Variants in ERBB4 observed in about 807,000 individuals in gnomAD.
The protein encoded by ERBB4 is erb-b2 receptor tyrosine kinase 4.
In ERBB4, 42 loss-of-function variants were observed where a neutral mutation model predicts 158.0. The observed-to-expected ratio is 0.27, with a 90% CI of 0.21 to 0.34. ERBB4 has a LOEUF of 0.34. Ranked by LOEUF, ERBB4 falls within the 10% of genes least tolerant of loss-of-function variation. ERBB4 has a pLI of 1.00. For synonymous variants in ERBB4, 583 were observed against 558.7 expected (o/e 1.04, Z -0.61); for missense variants, 1,333 against 1,624.1 (o/e 0.82, Z 3.08).
At chr2:211,427,784 A>G (rs2063661575) in intron 22 of ERBB4, among the ~76,000 whole-genome samples, 1 of 151,950 alleles carries the variant, frequency 6.6e-6, no homozygotes, top group African/African-American at 2.4e-5. Context: ...AAAGTTGCTT[A>G]AAATTAACAC....
chr2:212,465,449 A>G (rs1213055259), intron 1 of ERBB4, among the ~76,000 whole-genome samples: 3 of 152,202 alleles, frequency 2.0e-5, no homozygotes, highest in African/African-American at 4.8e-5. Context: ...ATGATAATCT[A>G]TATTTTCATA....
At chr2:211,684,229 A>T (rs2072471759) in intron 12 of ERBB4, among the ~76,000 whole-genome samples, 1 of 152,192 alleles carries the variant, frequency 6.6e-6, no homozygotes, top group South Asian at 2.1e-4. Flanking sequence ...AAGCTGGTGG[A>T]TCATCTGAAG....
At chr2:211,616,744 A>T (rs2069407388) in intron 19 of ERBB4, among the ~76,000 whole-genome samples, 1 of 152,198 alleles carries the variant, frequency 6.6e-6, no homozygotes, top group African/African-American at 2.4e-5. Context: ...CGAAAATAGT[A>T]GGACATGTTT....
At chr2:212,241,780 T>C (rs1470918805) in intron 1 of ERBB4, among the ~76,000 whole-genome samples, 1 of 152,150 alleles carries the variant, frequency 6.6e-6, no homozygotes, top group Non-Finnish European at 1.5e-5. Context: ...ACAAAGTAAG[T>C]GTTTGTATGG....
chr2:211,430,692 T>A (rs1370081800), intron 21 of ERBB4, among the ~76,000 whole-genome samples: 1 of 152,082 alleles, frequency 6.6e-6, no homozygotes, highest in African/African-American at 2.4e-5. Context: ...GGTACAGACA[T>A]GCATCATCTT....
chr2:212,402,801 A>T (rs940445178), intron 1 of ERBB4, among the ~76,000 whole-genome samples: 5 of 151,972 alleles, frequency 3.3e-5, no homozygotes, highest in African/African-American at 9.7e-5. Flanking sequence ...AAAAAGAAAT[A>T]AAAACATTTT....
chr2:211,675,792 TTATATA>T (rs34492305), intron 13 of ERBB4, among the ~76,000 whole-genome samples: 1 of 93,574 alleles, frequency 1.1e-5, no homozygotes, highest in Non-Finnish European at 2.8e-5. Context: ...AAATATAATA[TTATATA>T]TATATATATA....
intron 1 of ERBB4, among the ~76,000 whole-genome samples, chr2:212,195,265 G>A (rs557641688): frequency 6.6e-6 from 1 of 151,796 alleles, no homozygotes; most frequent in South Asian, 2.1e-4. Context: ...AAAAAATTCT[G>A]AATAGCAACA....
intron 20 of ERBB4, among the ~76,000 whole-genome samples, chr2:211,533,456 A>G (rs1424085994): frequency 1.3e-5 from 2 of 152,042 alleles, no homozygotes; most frequent in African/African-American, 4.8e-5. Context: ...CATAATCCTT[A>G]CTTATTTTAA....
At chr2:212,307,189 C>T (rs565208649) in intron 1 of ERBB4, among the ~76,000 whole-genome samples, 2 of 151,190 alleles carry the variant, frequency 1.3e-5, no homozygotes, top group Admixed American at 6.6e-5. Context: ...CCTATGCTAA[C>T]CAAAGAACTG....
intron 3 of ERBB4, among the ~76,000 whole-genome samples, chr2:211,887,456 C>A (rs1429608563): frequency 6.6e-6 from 1 of 152,152 alleles, no homozygotes; most frequent in African/African-American, 2.4e-5. Context: ...CCATCCTGAT[C>A]ATTTCATTCA....
intron 20 of ERBB4, among the ~76,000 whole-genome samples, chr2:211,554,470 C>G (rs963459747): frequency 6.6e-6 from 1 of 152,224 alleles, no homozygotes; most frequent in Non-Finnish European, 1.5e-5. Flanking sequence ...TTCCCACCCA[C>G]ACAGCACACG....
intron 3 of ERBB4, among the ~76,000 whole-genome samples, chr2:211,874,995 G>C (rs1242328566): frequency 1.7e-5 from 2 of 119,952 alleles, no homozygotes; most frequent in Admixed American, 2.1e-4. Context: ...TTAAGCTAAG[G>C]CTTGTATTGT....
intron 3 of ERBB4, among the ~76,000 whole-genome samples, chr2:211,905,681 T>TATACACAC (rs1480195605): frequency 2.7e-5 from 3 of 110,668 alleles, no homozygotes; most frequent in Non-Finnish European, 5.4e-5. Flanking sequence ...TATATATATA[T>TATACACAC]ACACACATAT....
chr2:211,736,826 CA>C (rs1465793014), intron 5 of ERBB4, among the ~76,000 whole-genome samples: 3 of 151,912 alleles, frequency 2.0e-5, no homozygotes, highest in African/African-American at 7.3e-5. Context: ...TGGGCCAATA[CA>C]AAACAACTTT....
intron 5 of ERBB4, among the ~76,000 whole-genome samples, chr2:211,738,361 G>GTTTTTTTTTT (rs10535592): frequency 2.2e-5 from 3 of 135,438 alleles, no homozygotes; most frequent in Non-Finnish European, 4.9e-5. Flanking sequence ...CTTTGTTTTT[G>GTTTTTTTTTT]TTTTTTTTTT....
intron 10 of ERBB4, among the ~76,000 whole-genome samples, chr2:211,704,981 G>A (rs1186549629): frequency 5.3e-5 from 8 of 152,012 alleles, no homozygotes; most frequent in Non-Finnish European, 2.9e-5. Context: ...ATTTTGAAAT[G>A]GAGTCTCACT....
rs996579225 is a variant in ERBB4, at chr2:211,679,173, T to C, written c.1501A>G (p.Met501Val). Residue 501 changes from methionine (M) to valine (V), a missense_variant, in exon 13 of 28, where the codon ATG (methionine) becomes GTG (valine). Met to Val is a conservative substitution (Grantham distance 21). Transcript: ENST00000342788. ...RKAENCTAEGMVCNHLCSSDG... is the reference protein window; with the variant it reads ...RKAENCTAEGVVCNHLCSSDG... ...CTGGAACACAGATGGTTGCACACCATTCCTTCAGCAGCTGTGAAACACCAA... is the reference window on the plus strand; with the variant it reads ...CTGGAACACAGATGGTTGCACACCACTCCTTCAGCAGCTGTGAAACACCAA... 2 of 1,613,622 alleles carry C rather than the reference T, an allele frequency of 1.2e-6. No homozygotes were observed. Among genetic ancestry groups the C allele is most frequent in the Non-Finnish European group, 1.7e-6 (2 of 1,179,750 alleles).
intron 3 of ERBB4, among the ~76,000 whole-genome samples, chr2:211,940,230 A>T (rs1398231667): frequency 1.3e-5 from 2 of 152,036 alleles, no homozygotes; most frequent in Non-Finnish European, 2.9e-5. Flanking sequence ...AGAGGTGGGT[A>T]TTGATATATT....
Sources: gnomAD v4.1 joint callset for allele counts (sites outside exome capture counted in the v4.1 genomes callset) on GRCh38, gnomAD v4.1.1 for gene constraint, MANE v1.5 for transcripts, NCBI Gene and HGNC (gene_info 2026-07-23, HGNC 2026-07-21) for gene names.